The following EXOC6 variants were observed in gnomAD, a reference collection of about 807,000 sequenced individuals.
EXOC6 encodes SEC15-like 1.
EXOC6 carries 60 observed loss-of-function variants against 112.5 expected under a neutral mutation model. The observed-to-expected ratio is 0.53, with a 90% CI of 0.43 to 0.66. EXOC6 has a LOEUF of 0.66. EXOC6 is among the 30% of genes least tolerant of loss of function. The pLI is 0.00. For missense variants in EXOC6, 855 were observed against 957.1 expected, an observed-to-expected ratio of 0.89 and a Z score of 1.41; for synonymous variants, 295 against 308.0, an observed-to-expected ratio of 0.96 and a Z score of 0.44.
intron 14 of EXOC6, 21 bp from the exon 15 acceptor site, chr10:92,952,252 A>G: frequency 1.4e-6 from 2 of 1,474,402 alleles, no homozygotes; most frequent in South Asian, 1.2e-5. Flanking sequence ...CAAAAACAAT[A>G]TTAACTTTCT....
At chr10:92,932,058 TGTG>T (rs1852068893) in intron 9 of EXOC6, among the ~76,000 whole-genome samples, 1 of 152,162 alleles carries the variant, frequency 6.6e-6, no homozygotes, top group Admixed American at 6.5e-5. Context: ...GTGAATAAAT[TGTG>T]GTACATCCAT....
At chr10:93,002,547 G>C (rs1008719386) in intron 19 of EXOC6, among the ~76,000 whole-genome samples, 16 of 152,134 alleles carry the variant, frequency 1.1e-4, no homozygotes, top group African/African-American at 3.6e-4. Context: ...AGACCCTCCA[G>C]TTGATTCTGT....
At chr10:92,857,030 A>G (rs549480954) in intron 1 of EXOC6, among the ~76,000 whole-genome samples, 1 of 152,304 alleles carries the variant, frequency 6.6e-6, no homozygotes, top group East Asian at 1.9e-4. Context: ...TGTAGATAGC[A>G]CATCATTGGA....
chr10:93,017,154 TATTA>T (rs1844564186), intron 20 of EXOC6, among the ~76,000 whole-genome samples: 1 of 151,802 alleles, frequency 6.6e-6, no homozygotes, highest in African/African-American at 2.4e-5. Context: ...ATCTACAGAA[TATTA>T]ATTGTTTTTC....
intron 13 of EXOC6, 40 bp downstream of exon 13, chr10:92,940,864 T>C: frequency 7.8e-7 from 1 of 1,287,662 alleles, no homozygotes; most frequent in South Asian, 1.3e-5. Context: ...ATGAATATGT[T>C]TGTCAAATGC....
intron 1 of EXOC6, among the ~76,000 whole-genome samples, chr10:92,864,872 G>T (rs190984893): frequency 6.6e-6 from 1 of 152,130 alleles, no homozygotes; most frequent in Non-Finnish European, 1.5e-5. Context: ...GCATGTTATG[G>T]TACAACTTGG....
intron 20 of EXOC6, among the ~76,000 whole-genome samples, chr10:93,044,974 G>A (rs1282985586): frequency 1.3e-5 from 2 of 152,122 alleles, no homozygotes; most frequent in Admixed American, 6.6e-5. Context: ...CTGGGTTCAA[G>A]CAATTCTCCT....
chr10:92,905,543 T>G (rs1234790448), intron 5 of EXOC6, among the ~76,000 whole-genome samples: 1 of 152,098 alleles, frequency 6.6e-6, no homozygotes, highest in Non-Finnish European at 1.5e-5. Context: ...GACTTCTGTT[T>G]CTTTTTTCCC....
At chr10:92,985,064 C>T (rs1275316163) in intron 18 of EXOC6, among the ~76,000 whole-genome samples, 1 of 151,966 alleles carries the variant, frequency 6.6e-6, no homozygotes, top group Non-Finnish European at 1.5e-5. Context: ...AATGTATTCC[C>T]TTTCCTTCTT....
intron 20 of EXOC6, among the ~76,000 whole-genome samples, chr10:93,044,493 C>T (rs967903826): frequency 3.9e-5 from 6 of 152,096 alleles, no homozygotes; most frequent in African/African-American, 1.4e-4. Context: ...TCCTTAGTTT[C>T]CTTATTTCCA....
At chr10:93,028,047 G>A (rs1097215) in intron 20 of EXOC6, among the ~76,000 whole-genome samples, 96,710 of 152,000 alleles carry the variant, frequency 0.64, 33,437 homozygotes, top group East Asian at 0.99. Context: ...CTGTAATCCC[G>A]ACACTTTGGG....
chr10:92,842,303 G>T (rs188305607), intron 1 of EXOC6, among the ~76,000 whole-genome samples: 123 of 149,314 alleles, frequency 8.2e-4, no homozygotes, highest in African/African-American at 2.9e-3. Context: ...AGGTTGCAGT[G>T]AGCTGAGATC....
intron 1 of EXOC6, among the ~76,000 whole-genome samples, chr10:92,828,015 G>A (rs1050707695): frequency 6.6e-5 from 10 of 152,078 alleles, no homozygotes; most frequent in African/African-American, 2.2e-4. Context: ...TGCTGCTTTT[G>A]TATATGGTAT....
At chr10:92,833,054 C>A (rs890208093), upstream of EXOC6, among the ~76,000 whole-genome samples, 1 of 152,320 alleles carries the variant, frequency 6.6e-6, no homozygotes, top group Middle Eastern at 3.4e-3. Context: ...ATTGGTGCTG[C>A]ATTTGTTCCA....
chr10:92,924,675 T>A (rs954816511), intron 8 of EXOC6, among the ~76,000 whole-genome samples: 4 of 152,184 alleles, frequency 2.6e-5, no homozygotes, highest in Non-Finnish European at 4.4e-5. Context: ...GTGCATTTTT[T>A]AATGTACTTT....
chr10:92,905,486 T>G (rs1850390890), intron 5 of EXOC6, among the ~76,000 whole-genome samples: 1 of 151,968 alleles, frequency 6.6e-6, no homozygotes, highest in African/African-American at 2.4e-5. Flanking sequence ...TCCAGAAAAT[T>G]TTTTGTTGAA....
At chr10:93,041,941 T>C (rs11187256) in intron 20 of EXOC6, among the ~76,000 whole-genome samples, 86,238 of 152,016 alleles carry the variant, frequency 0.57, 27,415 homozygotes, top group East Asian at 0.92. Flanking sequence ...GAACTGCTGA[T>C]CTCAAGTGAT....
intron 12 of EXOC6, among the ~76,000 whole-genome samples, chr10:92,937,245 T>TA (rs936235521): frequency 1.9e-4 from 29 of 152,092 alleles, no homozygotes; most frequent in African/African-American, 6.8e-4. Flanking sequence ...AGCTGTTACT[T>TA]AAAAAAAGTG....
At chr10:92,902,228 G>C (rs1850216709) in intron 5 of EXOC6, among the ~76,000 whole-genome samples, 1 of 152,056 alleles carries the variant, frequency 6.6e-6, no homozygotes, top group African/African-American at 2.4e-5. Context: ...TGGGTACTTA[G>C]TGAGCCTTCT....
Sources: gnomAD v4.1 joint callset for allele counts (sites outside exome capture counted in the v4.1 genomes callset) on GRCh38, gnomAD v4.1.1 for gene constraint, MANE v1.5 for transcripts, NCBI Gene and HGNC (gene_info 2026-07-23, HGNC 2026-07-21) for gene names.